The following RAB3IP variants were observed in gnomAD, a reference collection of about 807,000 sequenced individuals.
RAB3IP encodes the protein rab-3A-interacting protein.
Under a neutral mutation model 59.1 loss-of-function variants are expected in RAB3IP, and 36 were observed. The observed-to-expected ratio is 0.61, with a 90% CI of 0.47 to 0.80. The LOEUF (loss-of-function observed/expected upper bound fraction) is 0.80, where lower values mean the gene tolerates loss of function less well. RAB3IP is among the 30% of genes least tolerant of loss of function. The pLI, the probability that RAB3IP is intolerant of heterozygous loss-of-function variation, is 0.00. For synonymous variants in RAB3IP, 207 were observed against 191.2 expected, an observed-to-expected ratio of 1.08 and a Z score of -0.68; for missense variants, 511 against 536.0, an observed-to-expected ratio of 0.95 and a Z score of 0.46.
At chr12:69,811,471 G>A (rs1017127864) in intron 8 of RAB3IP, among the ~76,000 whole-genome samples, 1 of 152,100 alleles carries the variant, frequency 6.6e-6, no homozygotes, top group Non-Finnish European at 1.5e-5. Context: ...TTCAAAATTA[G>A]GCTAAACAGT....
In RAB3IP at chr12:69,794,421, ATGT is replaced by A. The variant is rs763100181; in HGVS notation, c.607-14_607-12del. 15 of 1,596,216 alleles carry A rather than the reference ATGT, an allele frequency of 9.4e-6. No individual in the cohort carries two copies. The Middle Eastern group carries it at 5.0e-4, about 53-fold the overall frequency. Reference sequence around the variant, plus strand: ...TGCTACTTTGTTTCTAAAATTTGAGATGTTAACTTTTTCAGGAAGCTCATAAAA... The same window carrying A: ...TGCTACTTTGTTTCTAAAATTTGAGATAACTTTTTCAGGAAGCTCATAAAA... On this transcript the variant is annotated splice_polypyrimidine_tract_variant and intron_variant, in intron 4 of 10. Coordinates refer to ENST00000247833, the MANE Select transcript of RAB3IP (RefSeq NM_022456.5).
chr12:69,780,053 G>T (rs552935201), intron 3 of RAB3IP, among the ~76,000 whole-genome samples: 4 of 152,292 alleles, frequency 2.6e-5, no homozygotes, highest in South Asian at 4.2e-4. Context: ...CAGCGGTAGA[G>T]GGCGCCTTAA....
intron 1 of RAB3IP, among the ~76,000 whole-genome samples, chr12:69,744,827 T>A (rs1229590450): frequency 6.6e-6 from 1 of 152,226 alleles, no homozygotes; most frequent in African/African-American, 2.4e-5. Context: ...ACATTTGCAT[T>A]TATAAACATA....
intron 4 of RAB3IP, among the ~76,000 whole-genome samples, chr12:69,788,490 A>G (rs975307374): frequency 1.2e-4 from 18 of 152,138 alleles, no homozygotes; most frequent in Non-Finnish European, 7.4e-5. Context: ...TATGCAGTCC[A>G]TTGTTCACTG....
At chr12:69,756,856 G>T (rs1041274835) in intron 3 of RAB3IP, among the ~76,000 whole-genome samples, 193 bp downstream of exon 3, 12 of 152,174 alleles carry the variant, frequency 7.9e-5, no homozygotes, top group Non-Finnish European at 8.8e-5. Flanking sequence ...GTTCCTCTAA[G>T]ACTACTAACT....
At chr12:69,765,424 A>AT in intron 3 of RAB3IP, among the ~76,000 whole-genome samples, 1 of 152,082 alleles carries the variant, frequency 6.6e-6, no homozygotes, top group Non-Finnish European at 1.5e-5. Flanking sequence ...AATTCTATTT[A>AT]TGTTGTGAAT....
At chr12:69,768,996 C>T (rs1255723363) in intron 3 of RAB3IP, among the ~76,000 whole-genome samples, 1 of 152,022 alleles carries the variant, frequency 6.6e-6, no homozygotes, top group Non-Finnish European at 1.5e-5. Flanking sequence ...ATCATGGGGT[C>T]AGGTCTTTCC....
chr12:69,745,999 A>T (rs965354215), intron 1 of RAB3IP, among the ~76,000 whole-genome samples: 2 of 152,214 alleles, frequency 1.3e-5, no homozygotes, highest in Non-Finnish European at 2.9e-5. Flanking sequence ...TTTCAAATGA[A>T]TGCTCTGAAG....
At chr12:69,750,494 C>T (rs942438100) in intron 1 of RAB3IP, among the ~76,000 whole-genome samples, 9 of 150,192 alleles carry the variant, frequency 6.0e-5, no homozygotes, top group African/African-American at 2.2e-4. Context: ...ACAAGGCCCA[C>T]AGATTGTGTT....
chr12:69,813,050 C>CT lies in RAB3IP; in HGVS notation c.1300+17_1300+18insT. The CT allele has an allele frequency of 6.4e-7, 1 of 1,570,374 alleles. No homozygotes were observed. The highest frequency in any genetic ancestry group is 8.7e-7 in the Non-Finnish European group (1 of 1,150,678). On this transcript the variant is annotated intron_variant, in intron 10 of 10. Transcript: ENST00000247833. ...AGCAGGATGGTGAGTGTTCTTGATT[C>CT]AATATAAGTCTTTACATAAAAGTTC...
chr12:69,793,042 A>C (rs1876884886), intron 4 of RAB3IP, among the ~76,000 whole-genome samples: 1 of 152,092 alleles, frequency 6.6e-6, no homozygotes, highest in Admixed American at 6.6e-5. Flanking sequence ...TATTATTTTT[A>C]AAACATTGCC....
intron 3 of RAB3IP, among the ~76,000 whole-genome samples, chr12:69,773,325 A>G (rs187653353): frequency 1.6e-5 from 2 of 123,884 alleles, no homozygotes; most frequent in Non-Finnish European, 3.5e-5. Context: ...CTTTATCTGG[A>G]TTTTATTTTT....
intron 1 of RAB3IP, among the ~76,000 whole-genome samples, chr12:69,754,342 G>GACACAC (rs146834778): frequency 0.054 from 8,045 of 150,018 alleles, 354 homozygotes; most frequent in East Asian, 0.11. Flanking sequence ...CAGATACACG[G>GACACAC]GCACACACAC....
chr12:69,783,120 C>T (rs1294195629), intron 3 of RAB3IP, among the ~76,000 whole-genome samples: 2 of 152,110 alleles, frequency 1.3e-5, no homozygotes, highest in Non-Finnish European at 2.9e-5. Context: ...TTTTGTTTCC[C>T]ATGTTTAAAT....
chr12:69,804,608 C>T (rs1230429001), intron 8 of RAB3IP, among the ~76,000 whole-genome samples: 1 of 152,152 alleles, frequency 6.6e-6, no homozygotes, highest in Non-Finnish European at 1.5e-5. Context: ...AGGTTTTCTT[C>T]TAGGGTTTTT....
intron 8 of RAB3IP, among the ~76,000 whole-genome samples, chr12:69,809,633 G>C (rs971662427): frequency 6.6e-6 from 1 of 151,826 alleles, no homozygotes; most frequent in Non-Finnish European, 1.5e-5. Flanking sequence ...TTCTCTTCAC[G>C]CTTCATTTCA....
rs1415507331 is a variant in RAB3IP at position 69,815,446 on chromosome 12, A to ATGCTC, written c.*4_*8dup. On this transcript the variant is annotated 3_prime_UTR_variant, in exon 11 of 11. Coordinates refer to ENST00000247833, the MANE Select transcript of RAB3IP (RefSeq NM_022456.5). ...TGGGTTATTTCAAAGAGGAACTCTG[A>ATGCTC]TGCTCTGCGTGGGACCATGCCTGAA... 1 of 1,605,594 alleles carries ATGCTC rather than the reference A, an allele frequency of 6.2e-7. No individual in the cohort carries two copies. The highest frequency in any genetic ancestry group is 8.5e-7 in the Non-Finnish European group (1 of 1,172,334).
intron 3 of RAB3IP, among the ~76,000 whole-genome samples, chr12:69,783,467 G>C (rs908738315): frequency 6.6e-6 from 1 of 152,012 alleles, no homozygotes; most frequent in African/African-American, 2.4e-5. Context: ...TTTTGTTTGA[G>C]ACTTCCGAGT....
chr12:69,753,600 C>T (rs1014220828), intron 1 of RAB3IP, among the ~76,000 whole-genome samples: 1 of 152,082 alleles, frequency 6.6e-6, no homozygotes, highest in African/African-American at 2.4e-5. Flanking sequence ...CCACCCGCCT[C>T]GGCCTCCCAA....
Sources: gnomAD v4.1 joint callset for allele counts (sites outside exome capture counted in the v4.1 genomes callset) on GRCh38, gnomAD v4.1.1 for gene constraint, MANE v1.5 for transcripts, NCBI Gene and HGNC (gene_info 2026-07-23, HGNC 2026-07-21) for gene names.